The following ATXN7L1 variants were observed in gnomAD, a reference collection of about 807,000 sequenced individuals.
The protein encoded by ATXN7L1 is ataxin-7-like protein 1.
A neutral mutation model predicts 70.8 loss-of-function variants in ATXN7L1; 15 were observed. The ratio of observed to expected loss-of-function variants is 0.21; its 90% CI spans 0.14 to 0.33. The LOEUF is 0.33. Ranked by LOEUF, ATXN7L1 falls within the 10% of genes least tolerant of loss-of-function variation. The pLI is 1.00. For synonymous variants in ATXN7L1, 440 were observed against 445.1 expected (o/e 0.99, Z 0.14); for missense variants, 975 against 1,097.1 (o/e 0.89, Z 1.57).
At chr7:105,700,552 C>G (rs1584770715) in intron 3 of ATXN7L1, among the ~76,000 whole-genome samples, 1 of 148,540 alleles carries the variant, frequency 6.7e-6, no homozygotes, top group East Asian at 2.0e-4. Context: ...CTCCTGGCAG[C>G]AATGTTGCTC....
At chr7:105,723,740 CT>C (rs1795471158) in intron 3 of ATXN7L1, among the ~76,000 whole-genome samples, 1 of 152,274 alleles carries the variant, frequency 6.6e-6, no homozygotes, top group South Asian at 2.1e-4. Flanking sequence ...GGTCAAAACC[CT>C]TTTTGTTTTG....
intron 8 of ATXN7L1, among the ~76,000 whole-genome samples, chr7:105,623,328 T>C (rs973303890): frequency 6.6e-6 from 1 of 152,284 alleles, no homozygotes; most frequent in East Asian, 1.9e-4. Flanking sequence ...TCTAGGCCCC[T>C]GCATTTGGCT....
At chr7:105,619,839 G>C (rs1473618293) in intron 9 of ATXN7L1, among the ~76,000 whole-genome samples, 1 of 151,968 alleles carries the variant, frequency 6.6e-6, no homozygotes, top group African/African-American at 2.4e-5. Context: ...TTACAGGCGT[G>C]AATCACTGCA....
chr7:105,870,855 G>A (rs1371856304), intron 2 of ATXN7L1, among the ~76,000 whole-genome samples: 2 of 152,168 alleles, frequency 1.3e-5, no homozygotes, highest in East Asian at 1.9e-4. Flanking sequence ...ACTGATCCAA[G>A]CTGACTGGGG....
At chr7:105,738,440 T>C (rs1797651057) in intron 3 of ATXN7L1, among the ~76,000 whole-genome samples, 1 of 152,220 alleles carries the variant, frequency 6.6e-6, no homozygotes. Flanking sequence ...CTGCTTTCAA[T>C]ATAACTAAAT....
At chr7:105,650,938 A>G (rs1799741444) in intron 4 of ATXN7L1, among the ~76,000 whole-genome samples, 1 of 152,228 alleles carries the variant, frequency 6.6e-6, no homozygotes, top group Non-Finnish European at 1.5e-5. Context: ...GGAGTGTTGG[A>G]AGATAGTTTA....
chr7:105,686,635 T>C (rs1806214689), intron 3 of ATXN7L1, among the ~76,000 whole-genome samples: 2 of 152,218 alleles, frequency 1.3e-5, no homozygotes, highest in Non-Finnish European at 2.9e-5. Flanking sequence ...TCGGGCAGAA[T>C]GCCCTAACAC....
intron 3 of ATXN7L1, among the ~76,000 whole-genome samples, chr7:105,737,907 G>A (rs1375922787): frequency 3.9e-5 from 6 of 152,128 alleles, no homozygotes; most frequent in African/African-American, 1.4e-4. Context: ...GAGTTCCAAT[G>A]TCTAGATGGA....
At chr7:105,806,586 C>T (rs1158022399) in intron 2 of ATXN7L1, among the ~76,000 whole-genome samples, 5 of 152,154 alleles carry the variant, frequency 3.3e-5, no homozygotes, top group African/African-American at 4.8e-5. Flanking sequence ...CATGAGCAAG[C>T]GGGGGCCAAG....
At chr7:105,810,282 C>G (rs1046103724) in intron 2 of ATXN7L1, among the ~76,000 whole-genome samples, 2 of 152,200 alleles carry the variant, frequency 1.3e-5, no homozygotes, top group African/African-American at 4.8e-5. Context: ...GCCTTGGAGC[C>G]AGGGAGACCT....
At chr7:105,619,520 ATATATATATATTTTTTTTTTTTTTTTTT>A (rs1381168104) in intron 9 of ATXN7L1, among the ~76,000 whole-genome samples, 2 of 19,084 alleles carry the variant, frequency 1.0e-4, no homozygotes, top group African/African-American at 5.2e-4. Flanking sequence ...ATATATATAT[ATATATATATATTTTTTTTTTTTTTTTTT>A]TTTTTTTTTT....
Position 105,613,790 on chromosome 7 carries a change from G to C in ATXN7L1, c.2472+72C>G, listed in dbSNP as rs778724807. On this transcript the variant is annotated intron_variant, in intron 10 of 11. Coordinates refer to ENST00000419735, the MANE Select transcript of ATXN7L1 (RefSeq NM_020725.2). ...TTGTGTTACCTGTCGGAGCCGCCCG[G>C]CTAAGCAGGGGCGCTGCCCAGCTCC... 1,586 of 1,549,938 alleles carry C rather than the reference G, an allele frequency of 1.0e-3. 3 individuals are homozygous for C. Among genetic ancestry groups the C allele is most frequent in the South Asian group, 1.9e-3 (160 of 83,966 alleles).
intron 3 of ATXN7L1, among the ~76,000 whole-genome samples, chr7:105,762,245 G>A (rs558014249): frequency 3.3e-5 from 5 of 152,340 alleles, no homozygotes; most frequent in African/African-American, 1.2e-4. Flanking sequence ...TCACAGCCCA[G>A]AAGCTTCTCT....
chr7:105,868,542 T>C (rs1288786380), intron 2 of ATXN7L1, among the ~76,000 whole-genome samples: 1 of 152,178 alleles, frequency 6.6e-6, no homozygotes, highest in Non-Finnish European at 1.5e-5. Context: ...CTCTCTAAGA[T>C]AAATGGAAAT....
At chr7:105,652,017 G>A (rs1799924740) in intron 4 of ATXN7L1, among the ~76,000 whole-genome samples, 1 of 152,134 alleles carries the variant, frequency 6.6e-6, no homozygotes, top group Non-Finnish European at 1.5e-5. Flanking sequence ...CTCAGAAGGT[G>A]GTCTCCAAAC....
At chr7:105,722,022 G>A (rs574120071) in intron 3 of ATXN7L1, among the ~76,000 whole-genome samples, 1 of 152,306 alleles carries the variant, frequency 6.6e-6, no homozygotes, top group East Asian at 1.9e-4. Flanking sequence ...GTGTGTATGC[G>A]CACACATAGG....
intron 3 of ATXN7L1, among the ~76,000 whole-genome samples, chr7:105,701,165 C>G (rs1179173314): frequency 2.0e-5 from 3 of 152,110 alleles, no homozygotes; most frequent in African/African-American, 4.8e-5. Flanking sequence ...TACTGTACCC[C>G]TAGACAACCT....
chr7:105,857,800 T>C (rs1815951980), intron 2 of ATXN7L1, among the ~76,000 whole-genome samples: 1 of 152,216 alleles, frequency 6.6e-6, no homozygotes, highest in African/African-American at 2.4e-5. Flanking sequence ...CTCTAAGACT[T>C]CCCACTGATT....
At chr7:105,715,367 T>C (rs1366384119) in intron 3 of ATXN7L1, among the ~76,000 whole-genome samples, 1 of 152,262 alleles carries the variant, frequency 6.6e-6, no homozygotes, top group East Asian at 1.9e-4. Flanking sequence ...GTGCTCCATA[T>C]CTAGCACCCA....
Sources: gnomAD v4.1 joint callset for allele counts (sites outside exome capture counted in the v4.1 genomes callset) on GRCh38, gnomAD v4.1.1 for gene constraint, MANE v1.5 for transcripts, NCBI Gene and HGNC (gene_info 2026-07-23, HGNC 2026-07-21) for gene names.